DPH6: variants seen among roughly 807,000 people sequenced by gnomAD.
The protein encoded by DPH6 is diphthine--ammonia ligase.
A neutral mutation model predicts 38.2 loss-of-function variants in DPH6; 33 were observed. That is an observed-to-expected ratio of 0.86 (90% CI 0.65 to 1.15). DPH6 has a LOEUF of 1.15. Ranked by LOEUF, DPH6 falls within the 50% of genes most tolerant of loss-of-function variation. The pLI is 0.00. For missense variants in DPH6, 325 were observed against 320.0 expected (o/e 1.02, Z -0.12); for synonymous variants, 108 against 103.0 (o/e 1.05, Z -0.30).
chr15:35,244,415 C>G (rs1271758247), intron 3 of DPH6, among the ~76,000 whole-genome samples: 1 of 152,090 alleles, frequency 6.6e-6, no homozygotes, highest in Admixed American at 6.5e-5. Context: ...GTGTGGTGTC[C>G]CCTGGACACT....
intron 3 of DPH6, among the ~76,000 whole-genome samples, chr15:35,260,448 T>C (rs960628540): frequency 3.3e-5 from 5 of 151,536 alleles, no homozygotes; most frequent in Admixed American, 2.6e-4. Context: ...AAATATACTT[T>C]AGAAGAATTT....
intron 3 of DPH6, among the ~76,000 whole-genome samples, chr15:35,312,349 A>G (rs1027826490): frequency 6.6e-5 from 10 of 152,222 alleles, no homozygotes; most frequent in African/African-American, 2.4e-4. Flanking sequence ...TCACAGTCCT[A>G]TGGAGACAAA....
the DPH6 span, among the ~76,000 whole-genome samples, chr15:35,201,286 G>A: frequency 2.0e-5 from 3 of 151,220 alleles, no homozygotes; most frequent in African/African-American, 7.3e-5. Flanking sequence ...GTCATATTTG[G>A]TTCATAGAAA....
the DPH6 span, among the ~76,000 whole-genome samples, chr15:35,154,785 C>T: frequency 6.6e-6 from 1 of 152,126 alleles, no homozygotes; most frequent in Non-Finnish European, 1.5e-5. Flanking sequence ...TTAACACTAT[C>T]AAACCTCTGA....
intron 3 of DPH6, among the ~76,000 whole-genome samples, chr15:35,256,503 T>C (rs1212972773): frequency 6.6e-6 from 1 of 152,256 alleles, no homozygotes; most frequent in Non-Finnish European, 1.5e-5. Context: ...ATGTTCTCAA[T>C]GTATTCAATG....
intron 5 of DPH6, among the ~76,000 whole-genome samples, chr15:35,443,658 T>A (rs945002378): frequency 2.0e-5 from 3 of 152,170 alleles, no homozygotes; most frequent in Non-Finnish European, 2.9e-5. Flanking sequence ...CAACCCTTCC[T>A]TTGAAATGTA....
At chr15:35,231,999 C>A (rs2051521314) in intron 3 of DPH6, among the ~76,000 whole-genome samples, 1 of 152,162 alleles carries the variant, frequency 6.6e-6, no homozygotes, top group Non-Finnish European at 1.5e-5. Context: ...TTGGGGATCA[C>A]TTTTCAACTT....
chr15:35,403,595 C>T (rs954212583), intron 6 of DPH6, among the ~76,000 whole-genome samples: 20 of 152,028 alleles, frequency 1.3e-4, no homozygotes, highest in African/African-American at 4.6e-4. Context: ...ATGGCAGCCT[C>T]GACTTCCTGG....
intron 4 of DPH6, among the ~76,000 whole-genome samples, chr15:35,453,115 G>A (rs1182798542): frequency 6.6e-6 from 1 of 152,126 alleles, no homozygotes; most frequent in Non-Finnish European, 1.5e-5. Flanking sequence ...TTGAGTTTGT[G>A]GACCAATGGA....
intron 3 of DPH6, among the ~76,000 whole-genome samples, chr15:35,255,135 A>G (rs957501008): frequency 6.6e-6 from 1 of 152,224 alleles, no homozygotes; most frequent in South Asian, 2.1e-4. Flanking sequence ...AGCTTGCCTT[A>G]CTTGGGGTTT....
chr15:35,221,892 G>A (rs1228622623), intron 3 of DPH6, among the ~76,000 whole-genome samples: 1 of 152,102 alleles, frequency 6.6e-6, no homozygotes, highest in Non-Finnish European at 1.5e-5. Flanking sequence ...AAGCCATGCA[G>A]CACCCTCAAT....
chr15:35,302,364 T>C (rs2140806088), intron 3 of DPH6, among the ~76,000 whole-genome samples: 1 of 152,346 alleles, frequency 6.6e-6, no homozygotes, highest in South Asian at 2.1e-4. Flanking sequence ...TTGTTTCAGC[T>C]CACAAGCTGT....
intron 3 of DPH6, among the ~76,000 whole-genome samples, chr15:35,273,215 G>C (rs769369892): frequency 1.3e-5 from 2 of 151,844 alleles, no homozygotes; most frequent in Non-Finnish European, 2.9e-5. Context: ...AAGTTCTTTT[G>C]TGGTGATTTG....
chr15:35,460,191 T>C (rs951853490), intron 3 of DPH6, among the ~76,000 whole-genome samples: 24 of 152,122 alleles, frequency 1.6e-4, no homozygotes, highest in Admixed American at 2.0e-4. Flanking sequence ...GAAAGACACA[T>C]ACACTGCCAG....
At chr15:35,496,927 A>G (rs573323944) in intron 3 of DPH6, among the ~76,000 whole-genome samples, 76 of 152,088 alleles carry the variant, frequency 5.0e-4, no homozygotes, top group African/African-American at 1.8e-3. Context: ...TCTCAGACTG[A>G]AACTCTTTCT....
intron 5 of DPH6, among the ~76,000 whole-genome samples, chr15:35,431,294 T>C (rs1391736462): frequency 6.6e-6 from 1 of 152,224 alleles, no homozygotes; most frequent in African/African-American, 2.4e-5. Flanking sequence ...AAGAAACTTT[T>C]GTACCTATGG....
the DPH6 span, among the ~76,000 whole-genome samples, chr15:35,173,291 G>C: frequency 6.6e-6 from 1 of 152,166 alleles, no homozygotes; most frequent in African/African-American, 2.4e-5. Context: ...TCTTACCTTT[G>C]TCTCTTTTGT....
At chr15:35,306,302 C>G (rs1039075620) in intron 3 of DPH6, among the ~76,000 whole-genome samples, 19 of 152,134 alleles carry the variant, frequency 1.2e-4, no homozygotes, top group Non-Finnish European at 1.9e-4. Flanking sequence ...AAATACATTT[C>G]CCACCAAGGG....
intron 3 of DPH6, among the ~76,000 whole-genome samples, chr15:35,359,255 G>C (rs1436080855): frequency 6.6e-6 from 1 of 152,076 alleles, no homozygotes; most frequent in South Asian, 2.1e-4. Flanking sequence ...CCCCCAGACT[G>C]TTTCTAGGCA....
Sources: gnomAD v4.1 joint callset for allele counts (sites outside exome capture counted in the v4.1 genomes callset) on GRCh38, gnomAD v4.1.1 for gene constraint, MANE v1.5 for transcripts, NCBI Gene and HGNC (gene_info 2026-07-23, HGNC 2026-07-21) for gene names.